PTPRG: variants seen among roughly 807,000 people sequenced by gnomAD.
PTPRG encodes protein tyrosine phosphatase receptor type G, also known as receptor-type tyrosine-protein phosphatase gamma.
Under a neutral mutation model 165.3 loss-of-function variants are expected in PTPRG, and 102 were observed. The ratio of observed to expected loss-of-function variants is 0.62; its 90% confidence interval spans 0.53 to 0.73. The LOEUF (loss-of-function observed/expected upper bound fraction) is 0.73. Among genes scored for constraint, PTPRG ranks in the 30% least tolerant of loss-of-function variants. The pLI is 0.00. For synonymous variants in PTPRG, 675 were observed against 669.5 expected, an observed-to-expected ratio of 1.01 and a Z score of -0.13; for missense variants, 1,866 against 1,861.4, an observed-to-expected ratio of 1.00 and a Z score of -0.05.
intron 1 of PTPRG, among the ~76,000 whole-genome samples, chr3:61,575,018 A>G (rs183366765): frequency 6.6e-6 from 1 of 152,294 alleles, no homozygotes; most frequent in Non-Finnish European, 1.5e-5. Flanking sequence ...ACTTCCCAGC[A>G]CCACCATGTT....
At chr3:62,227,411 G>A (rs1700787697) in intron 13 of PTPRG, among the ~76,000 whole-genome samples, 1 of 152,184 alleles carries the variant, frequency 6.6e-6, no homozygotes, top group Admixed American at 6.5e-5. Flanking sequence ...AAACACCCCT[G>A]TTAACCAGCA....
At chr3:62,074,592 G>C (rs1355644046) in intron 4 of PTPRG, among the ~76,000 whole-genome samples, 2 of 151,888 alleles carry the variant, frequency 1.3e-5, no homozygotes, top group Non-Finnish European at 1.5e-5. Context: ...CCTCCCACTT[G>C]GACCTCCCAT....
chr3:61,643,456 G>A (rs370052272), intron 1 of PTPRG, among the ~76,000 whole-genome samples: 19 of 152,222 alleles, frequency 1.2e-4, no homozygotes, highest in African/African-American at 3.1e-4. Context: ...ATTTTTCTAG[G>A]TCCAATAATA....
At chr3:62,161,504 C>T (rs963385904) in intron 7 of PTPRG, among the ~76,000 whole-genome samples, 2 of 152,134 alleles carry the variant, frequency 1.3e-5, no homozygotes, top group South Asian at 2.1e-4. Flanking sequence ...CTCAAGGCCA[C>T]GACAACTGGT....
At chr3:62,039,604 A>G (rs889718783) in intron 4 of PTPRG, among the ~76,000 whole-genome samples, 4 of 152,204 alleles carry the variant, frequency 2.6e-5, no homozygotes, top group Non-Finnish European at 5.9e-5. Flanking sequence ...AAGGGAGTCT[A>G]TGTACAGAAC....
At chr3:62,032,920 T>G (rs951210708) in intron 4 of PTPRG, among the ~76,000 whole-genome samples, 16 of 152,170 alleles carry the variant, frequency 1.1e-4, no homozygotes, top group African/African-American at 3.9e-4. Context: ...TGCACAGGCT[T>G]ATCTATAAAT....
chr3:61,611,431 A>C (rs1701163757), intron 1 of PTPRG, among the ~76,000 whole-genome samples: 1 of 152,196 alleles, frequency 6.6e-6, no homozygotes, highest in Non-Finnish European at 1.5e-5. Flanking sequence ...TTGACTGGTA[A>C]GTAAAAAAAA....
intron 2 of PTPRG, among the ~76,000 whole-genome samples, chr3:61,830,928 G>T (rs1265462142): frequency 6.6e-6 from 1 of 152,198 alleles, no homozygotes; most frequent in Non-Finnish European, 1.5e-5. Context: ...GAGCTGTAGT[G>T]AAATTTGTGC....
intron 4 of PTPRG, among the ~76,000 whole-genome samples, chr3:62,018,392 A>G (rs543006708): frequency 4.9e-4 from 75 of 152,298 alleles, no homozygotes; most frequent in Admixed American, 1.6e-3. Context: ...ATTGTGCTCA[A>G]TCTCACCGTT....
In PTPRG at chr3:61,577,245, A is replaced by C. The variant is rs114026216; in HGVS notation, c.85+14873A>C. 3.7e-3 allele frequency among the ~76,000 whole-genome samples: 565 copies of C among 152,324 alleles called. 6 individuals carry two copies. Among genetic ancestry groups the C allele is most frequent in the African/African-American group, 0.013 (537 of 41,564 alleles). ...TCATTTGCAAAGCTGACATCAGATA[A>C]ATTTTAGGTGCTTGGTAACATACCA... is the stretch of plus-strand genomic sequence containing the variant. On this transcript the variant is annotated intron_variant, in intron 1 of 29. Coordinates refer to ENST00000474889, the MANE Select transcript of PTPRG (RefSeq NM_002841.4).
At chr3:62,003,722 AG>A (rs2041228447) in intron 4 of PTPRG, among the ~76,000 whole-genome samples, 5 of 152,166 alleles carry the variant, frequency 3.3e-5, no homozygotes, top group Admixed American at 3.3e-4. Flanking sequence ...TGGTTTGAGT[AG>A]ACTCACTACT....
chr3:62,039,257 G>T (rs188151515), intron 4 of PTPRG, among the ~76,000 whole-genome samples: 1,673 of 135,984 alleles, frequency 0.012, 35 homozygotes, highest in African/African-American at 0.044. Flanking sequence ...TTTTTTTTTT[G>T]GTTTTGTTTT....
At chr3:62,259,081 TAACC>T (rs1701618777) in intron 16 of PTPRG, among the ~76,000 whole-genome samples, 1 of 152,216 alleles carries the variant, frequency 6.6e-6, no homozygotes. Flanking sequence ...CTATTACAGT[TAACC>T]AGCTGTGCTA....
intron 4 of PTPRG, among the ~76,000 whole-genome samples, chr3:62,045,760 C>T (rs548815933): frequency 6.6e-6 from 1 of 152,334 alleles, no homozygotes; most frequent in South Asian, 2.1e-4. Flanking sequence ...GCATCCCCTT[C>T]CCACTAATTC....
chr3:61,942,432 T>C (rs995718237), intron 2 of PTPRG, among the ~76,000 whole-genome samples: 5 of 152,254 alleles, frequency 3.3e-5, no homozygotes, highest in African/African-American at 9.6e-5. Flanking sequence ...CATTCACTCA[T>C]GTGAGTGTAC....
chr3:62,204,361 G>A (rs1271990177), intron 12 of PTPRG, among the ~76,000 whole-genome samples: 1 of 152,134 alleles, frequency 6.6e-6, no homozygotes, highest in Non-Finnish European at 1.5e-5. Context: ...GGGGATCCTA[G>A]TCCCTGCCTA....
At chr3:61,923,927 T>G (rs1248813775) in intron 2 of PTPRG, among the ~76,000 whole-genome samples, 1 of 152,160 alleles carries the variant, frequency 6.6e-6, no homozygotes, top group Non-Finnish European at 1.5e-5. Flanking sequence ...ACGATTCATC[T>G]TCGAGAATAA....
Position 62,067,087 on chromosome 3 carries a change from C to G in PTPRG, c.520-11076C>G, listed in dbSNP as rs78602721. 7.4e-3 allele frequency among the ~76,000 whole-genome samples: 1,116 copies of G among 151,026 alleles called. 11 individuals carry two copies. The highest frequency in any genetic ancestry group is 0.026 in the African/African-American group (1,054 of 41,104). ...TCAACTGCTCTCCCAGTTTCAAGCT[C>G]CCTCACAGCAGACTTGATCCTCCCC... On this transcript the variant is annotated intron_variant, in intron 4 of 29. Coordinates refer to ENST00000474889, the MANE Select transcript of PTPRG (RefSeq NM_002841.4).
rs1290641807 is a variant in PTPRG, at chr3:62,237,425, G to A, written c.2375+6114G>A. 1.3e-5 allele frequency among the ~76,000 whole-genome samples: 2 copies of A among 152,058 alleles called. No homozygotes were observed. Among genetic ancestry groups the A allele is most frequent in the South Asian group, 4.1e-4 (2 of 4,822 alleles). On this transcript the variant is annotated intron_variant, in intron 14 of 29. Coordinates refer to ENST00000474889, the MANE Select transcript of PTPRG (RefSeq NM_002841.4). The surrounding 1 kb of genome is among the most constrained non-coding windows in gnomAD (Gnocchi z 4.5). ...TGTGTGTGTTTCATTAGTCAAGAAG[G>A]CCAATTAAACATACTGGAACCTGTC...
Sources: gnomAD v4.1 joint callset for allele counts (sites outside exome capture counted in the v4.1 genomes callset) on GRCh38, gnomAD v4.1.1 for gene constraint, Gnocchi (gnomAD v3.1) non-coding constraint, MANE v1.5 for transcripts, NCBI Gene and HGNC (gene_info 2026-07-23, HGNC 2026-07-21) for gene names.